TOX2: variants seen among roughly 807,000 people sequenced by gnomAD.
TOX2 encodes the protein TOX high mobility group box family member 2, also known as granulosa cell HMG box 1.
A neutral mutation model predicts 47.4 loss-of-function variants in TOX2; 15 were observed. The ratio of observed to expected loss-of-function variants is 0.32; its 90% CI spans 0.21 to 0.49. The LOEUF (loss-of-function observed/expected upper bound fraction) is 0.49, where lower values mean the gene tolerates loss of function less well. Ranked by LOEUF, TOX2 falls within the 20% of genes least tolerant of loss-of-function variation. TOX2 has a pLI of 0.99. For synonymous variants in TOX2, 290 were observed against 296.6 expected (o/e 0.98, Z 0.23); for missense variants, 622 against 673.1 (o/e 0.92, Z 0.84).
chr20:43,939,561 G>A (rs951894049), intron 1 of TOX2, among the ~76,000 whole-genome samples: 4 of 152,176 alleles, frequency 2.6e-5, no homozygotes, highest in Non-Finnish European at 5.9e-5. Flanking sequence ...AACAACATGA[G>A]GCTGGAATGT....
chr20:43,956,553 T>TCAAAAAAAAAAAA (rs2069672223), intron 1 of TOX2, among the ~76,000 whole-genome samples: 1 of 133,992 alleles, frequency 7.5e-6, no homozygotes, highest in African/African-American at 3.2e-5. Context: ...AGTAAGGTTC[T>TCAAAAAAAAAAAA]ATCTTTAAAA....
intron 1 of TOX2, among the ~76,000 whole-genome samples, chr20:43,921,430 C>A (rs1180139688): frequency 6.6e-6 from 1 of 152,236 alleles, no homozygotes; most frequent in Non-Finnish European, 1.5e-5. Flanking sequence ...AGTTATTTAA[C>A]CTCCCTGGAC....
chr20:43,995,180 C>T (rs937879774), intron 2 of TOX2, among the ~76,000 whole-genome samples: 1 of 151,992 alleles, frequency 6.6e-6, no homozygotes, highest in African/African-American at 2.4e-5. Context: ...CATAATTGTC[C>T]TGATTTTCAG....
At chr20:43,940,730 A>C (rs768650925) in intron 1 of TOX2, among the ~76,000 whole-genome samples, 15 of 152,184 alleles carry the variant, frequency 9.9e-5, no homozygotes, top group Non-Finnish European at 2.1e-4. Flanking sequence ...TTTAGTGGTC[A>C]GTGCTTTGCA....
At chr20:44,024,408 C>CTTTATG (rs10626105) in intron 3 of TOX2, among the ~76,000 whole-genome samples, 105,056 of 151,206 alleles carry the variant, frequency 0.69, 36,628 homozygotes, top group East Asian at 0.8. Context: ...TGTTTTCCCT[C>CTTTATG]TTTATGAATC....
Position 43,951,033 on chromosome 20 carries a change from G to A in TOX2, c.100-22334G>A, listed in dbSNP as rs539748132. On this transcript the variant is annotated intron_variant, in intron 1 of 8. Coordinates refer to ENST00000341197, the MANE Select transcript of TOX2 (RefSeq NM_001098797.2). Reference sequence around the variant, plus strand: ...CAGGCCCCAGGGATGGGCTCACGTAGTCATTAAGGATTCTGGCCCCATGAT... The same window carrying A: ...CAGGCCCCAGGGATGGGCTCACGTAATCATTAAGGATTCTGGCCCCATGAT... 3.9e-5 allele frequency among the ~76,000 whole-genome samples: 6 copies of A among 152,194 alleles called. No homozygotes were observed. In the East Asian group the frequency reaches 1.2e-3, roughly 30 times the overall value.
intron 1 of TOX2, among the ~76,000 whole-genome samples, chr20:43,922,276 G>A (rs896350712): frequency 4.6e-5 from 7 of 152,166 alleles, no homozygotes; most frequent in African/African-American, 7.2e-5. Flanking sequence ...CATGCATTGC[G>A]GAATGTTTAG....
chr20:43,971,831 C>G (rs2069974786), intron 1 of TOX2, among the ~76,000 whole-genome samples: 3 of 152,112 alleles, frequency 2.0e-5, no homozygotes, highest in African/African-American at 7.2e-5. Flanking sequence ...AAGTGCAAAA[C>G]TGTATAGCAT....
chr20:43,934,083 G>C (rs988834240), intron 1 of TOX2, among the ~76,000 whole-genome samples: 2 of 151,602 alleles, frequency 1.3e-5, no homozygotes, highest in Admixed American at 6.6e-5. Context: ...GGGTGGGGAT[G>C]GGGGGAGGGT....
chr20:43,994,861 C>T (rs1392196160), intron 2 of TOX2, among the ~76,000 whole-genome samples: 2 of 152,130 alleles, frequency 1.3e-5, no homozygotes, highest in Admixed American at 6.5e-5. Context: ...CTCTGTCTGC[C>T]CTGATCCAAG....
chr20:43,957,875 G>A (rs1311914317), intron 1 of TOX2, among the ~76,000 whole-genome samples: 3 of 152,104 alleles, frequency 2.0e-5, no homozygotes, highest in Non-Finnish European at 4.4e-5. Flanking sequence ...AGAGCAAGTG[G>A]GGAAGCGTTA....
chr20:44,008,226 G>A (rs976265799), intron 3 of TOX2, among the ~76,000 whole-genome samples: 2 of 151,996 alleles, frequency 1.3e-5, no homozygotes, highest in African/African-American at 4.8e-5. Context: ...TGGATCATAA[G>A]GGTCCTGAAT....
At chr20:44,058,686 T>G (rs181734839) in intron 5 of TOX2, among the ~76,000 whole-genome samples, 68 of 152,298 alleles carry the variant, frequency 4.5e-4, no homozygotes, top group Admixed American at 3.3e-3. Flanking sequence ...TTGATATCCA[T>G]GGAGGAGAGA....
intron 1 of TOX2, among the ~76,000 whole-genome samples, chr20:43,947,354 C>T (rs977385149): frequency 6.6e-6 from 1 of 152,204 alleles, no homozygotes; most frequent in Admixed American, 6.5e-5. Context: ...TGTATGCACA[C>T]ATGCACGTGT....
chr20:43,930,756 A>G (rs1569006848), intron 1 of TOX2, among the ~76,000 whole-genome samples: 1 of 152,190 alleles, frequency 6.6e-6, no homozygotes, highest in Non-Finnish European at 1.5e-5. Flanking sequence ...TAAAAAAATT[A>G]AACTGTAAAT....
At chr20:44,024,632 G>A (rs1447106431) in intron 3 of TOX2, among the ~76,000 whole-genome samples, 1 of 151,706 alleles carries the variant, frequency 6.6e-6, no homozygotes, top group East Asian at 1.9e-4. Context: ...TTAAAAAATG[G>A]CACATGTTCA....
intron 2 of TOX2, among the ~76,000 whole-genome samples, chr20:43,983,753 CTCAGGG>C (rs1266499377): frequency 6.6e-6 from 1 of 152,180 alleles, no homozygotes. Context: ...TAGGCTCAGG[CTCAGGG>C]GCTAAATGTT....
chr20:43,999,301 C>A (rs972532702), intron 2 of TOX2, among the ~76,000 whole-genome samples: 2 of 152,028 alleles, frequency 1.3e-5, no homozygotes, highest in South Asian at 4.1e-4. Context: ...CTGTTTTCTT[C>A]TACTTTCTTT....
chr20:43,999,101 G>T (rs181148834), intron 2 of TOX2, among the ~76,000 whole-genome samples: 1 of 152,064 alleles, frequency 6.6e-6, no homozygotes, highest in Admixed American at 6.6e-5. Flanking sequence ...TTTATTTTAG[G>T]CATGTCTATT....
Sources: allele counts gnomAD v4.1 joint callset (sites outside exome capture counted in the v4.1 genomes callset), GRCh38; gene constraint gnomAD v4.1.1; transcripts MANE v1.5; gene names NCBI Gene and HGNC (gene_info 2026-07-23, HGNC 2026-07-21).